IGF1R: variants seen among roughly 807,000 people sequenced by gnomAD.
The protein encoded by IGF1R is insulin like growth factor 1 receptor, also known as insulin-like growth factor 1 receptor.
A neutral mutation model predicts 144.6 loss-of-function variants in IGF1R; 44 were observed. The observed-to-expected ratio is 0.30, with a 90% CI of 0.24 to 0.39. The LOEUF (loss-of-function observed/expected upper bound fraction) is 0.39. Ranked by LOEUF, IGF1R falls within the 10% of genes least tolerant of loss-of-function variation. The probability of loss-of-function intolerance (pLI) is 1.00; values close to 1 mark genes in which losing one functional copy is unlikely to be tolerated. For missense variants in IGF1R, 1,355 were observed against 1,833.7 expected (o/e 0.74, Z 4.77); for synonymous variants, 795 against 722.8 (o/e 1.10, Z -1.60).
chr15:98,934,081 A>G (rs1159692369), intron 15 of IGF1R, among the ~76,000 whole-genome samples: 1 of 151,778 alleles, frequency 6.6e-6, no homozygotes, highest in East Asian at 1.9e-4. Context: ...CCATTTTAAC[A>G]TGGAGTCAGT....
chr15:98,752,631 G>A (rs185305241), intron 2 of IGF1R, among the ~76,000 whole-genome samples: 439 of 152,014 alleles, frequency 2.9e-3, no homozygotes, highest in Middle Eastern at 0.01. Flanking sequence ...TGCAGTGAGC[G>A]GAGATTGTGC....
intron 2 of IGF1R, among the ~76,000 whole-genome samples, chr15:98,724,457 C>G (rs963275477): frequency 1.3e-5 from 2 of 152,160 alleles, no homozygotes; most frequent in South Asian, 2.1e-4. Context: ...CTCCAGCAGC[C>G]CCAGTGAGAG....
chr15:98,764,506 C>T (rs1198770997), intron 2 of IGF1R, among the ~76,000 whole-genome samples: 1 of 152,190 alleles, frequency 6.6e-6, no homozygotes, highest in Non-Finnish European at 1.5e-5. Flanking sequence ...GATCTTTTAC[C>T]AAATAAGGGA....
At position 98,843,788 on chromosome 15, in the gene IGF1R, T is replaced by C. The variant is rs2011221380; in HGVS notation, c.641-47537T>C. Among the ~76,000 whole-genome samples, 3 of 152,318 alleles carry C rather than the reference T, an allele frequency of 2.0e-5. No homozygotes were observed. The South Asian group carries it at 6.2e-4, about 32-fold the overall frequency. The stretch of plus-strand genomic sequence containing the variant: ...TTGTTTTTTGTTTCACCATAAGTAG[T>C]AGTCTATTAAATTAACAGTTGCTAG... On this transcript the variant is annotated intron_variant, in intron 2 of 20. Transcript: ENST00000650285.
rs1229862719 is a variant in IGF1R at position 98,961,008 on chromosome 15, T to G, written c.*3566T>G. The G allele has an allele frequency of 1.3e-5, 3 of 233,578 alleles. No individual in the cohort carries two copies. The allele number at this position is 233,578 out of a possible 1,614,324, so 14.5% of individuals were successfully genotyped here. On this transcript the variant is annotated 3_prime_UTR_variant, in exon 21 of 21. Coordinates refer to ENST00000650285, the MANE Select transcript of IGF1R (RefSeq NM_000875.5). ...CAGCTGCTCTTACAGGCACTGATGATTTCGCTGGGAAGTGTGGCGGGCAGC... is the reference window on the plus strand; with the variant it reads ...CAGCTGCTCTTACAGGCACTGATGAGTTCGCTGGGAAGTGTGGCGGGCAGC...
At chr15:98,782,085 C>T (rs984732506) in intron 2 of IGF1R, among the ~76,000 whole-genome samples, 8 of 152,134 alleles carry the variant, frequency 5.3e-5, no homozygotes, top group African/African-American at 1.9e-4. Context: ...CCTTGGTCTC[C>T]TGTTTATGTT....
Position 98,961,388 on chromosome 15 carries a change from C to T in IGF1R, c.*3946C>T. On this transcript the variant is annotated 3_prime_UTR_variant, in exon 21 of 21. Coordinates refer to ENST00000650285, the MANE Select transcript of IGF1R (RefSeq NM_000875.5). ...AGTGTAGTGCCCATCATAGCAAATG[C>T]TTCAGAAACACCTCAATAAAAGAGA... is the stretch of plus-strand genomic sequence containing the variant. The T allele has an allele frequency of 4.3e-6, 1 of 233,490 alleles. No homozygotes were observed. Among genetic ancestry groups the T allele is most frequent in the East Asian group, 6.0e-5 (1 of 16,570 alleles). The allele number at this position is 233,490 out of a possible 1,614,324, so 14.5% of individuals were successfully genotyped here. A position where few individuals can be genotyped will look rare whatever the true frequency, so the allele number is the denominator to read the frequency against.
chr15:98,649,950 C>T (rs2052308410), intron 1 of IGF1R, among the ~76,000 whole-genome samples: 1 of 152,212 alleles, frequency 6.6e-6, no homozygotes, highest in South Asian at 2.1e-4. Context: ...AGCCGTGTTT[C>T]CCGGCTAGGC....
At chr15:98,843,185 A>G (rs1327915362) in intron 2 of IGF1R, among the ~76,000 whole-genome samples, 2 of 152,154 alleles carry the variant, frequency 1.3e-5, no homozygotes, top group Non-Finnish European at 2.9e-5. Flanking sequence ...CAATCCTAAC[A>G]TGCTGTTTTT....
intron 1 of IGF1R, among the ~76,000 whole-genome samples, chr15:98,668,475 G>A (rs952346208): frequency 6.6e-6 from 1 of 152,196 alleles, no homozygotes; most frequent in African/African-American, 2.4e-5. Context: ...GGATGGCGCT[G>A]AGCACATTCG....
At position 98,725,871 on chromosome 15, in the gene IGF1R, A is replaced by ATC. The variant is rs570016128; in HGVS notation, c.640+17764_640+17765insTC. 4.4e-3 allele frequency among the ~76,000 whole-genome samples: 667 copies of ATC among 152,320 alleles called. 17 individuals are homozygous for ATC. The highest frequency in any genetic ancestry group is 0.041 in the Admixed American group (624 of 15,294). ...AGAAGCAAAAGTGGAAACCCTGATAAACCCATCAGATCTCGTCAGACTTAT... is the reference window on the plus strand; with the variant it reads ...AGAAGCAAAAGTGGAAACCCTGATAATCACCCATCAGATCTCGTCAGACTTAT... On this transcript the variant is annotated intron_variant, in intron 2 of 20. Coordinates refer to ENST00000650285, the MANE Select transcript of IGF1R (RefSeq NM_000875.5).
At chr15:98,904,285 C>T (rs111541356) in intron 5 of IGF1R, among the ~76,000 whole-genome samples, 1 of 152,006 alleles carries the variant, frequency 6.6e-6, no homozygotes, top group Non-Finnish European at 1.5e-5. Context: ...ATCATCTGAC[C>T]TCGTGATCTG....
At chr15:98,651,612 C>T (rs2141160712) in intron 1 of IGF1R, among the ~76,000 whole-genome samples, 1 of 152,284 alleles carries the variant, frequency 6.6e-6, no homozygotes, top group African/African-American at 2.4e-5. Context: ...ACGCAGGAGT[C>T]GGGCATTTTA....
chr15:98,838,471 T>C (rs1020497343), intron 2 of IGF1R, among the ~76,000 whole-genome samples: 12 of 152,224 alleles, frequency 7.9e-5, no homozygotes, highest in Admixed American at 5.2e-4. Flanking sequence ...GAATGCTGTT[T>C]GCTTTCTTGA....
At chr15:98,924,350 A>C (rs1016150471) in intron 12 of IGF1R, among the ~76,000 whole-genome samples, 175 bp from the exon 13 acceptor site, 1 of 152,250 alleles carries the variant, frequency 6.6e-6, no homozygotes, top group Admixed American at 6.5e-5. Flanking sequence ...GCTTAAAGCT[A>C]CTTGAAGACG....
intron 2 of IGF1R, among the ~76,000 whole-genome samples, chr15:98,760,050 G>C (rs928325860): frequency 1.3e-5 from 2 of 151,982 alleles, no homozygotes; most frequent in African/African-American, 2.4e-5. Flanking sequence ...TTTTTAAATT[G>C]AGCATCTGAC....
At chr15:98,898,423 C>G (rs1262030933) in intron 4 of IGF1R, among the ~76,000 whole-genome samples, 1 of 152,174 alleles carries the variant, frequency 6.6e-6, no homozygotes, top group Non-Finnish European at 1.5e-5. Context: ...GATGGGACAT[C>G]TCATTAGAGG....
At chr15:98,667,392 T>TC (rs2052770825) in intron 1 of IGF1R, among the ~76,000 whole-genome samples, 1 of 152,166 alleles carries the variant, frequency 6.6e-6, no homozygotes, top group Non-Finnish European at 1.5e-5. Context: ...GGGGGAGCCC[T>TC]TGAAAGAAAG....
In IGF1R at chr15:98,947,345, C is replaced by T. The variant is rs148480344; in HGVS notation, c.3588-1229C>T. Among the ~76,000 whole-genome samples, 4 of 152,354 alleles carry T rather than the reference C, an allele frequency of 2.6e-5. No individual in the cohort carries two copies. The East Asian group carries it at 5.8e-4, about 22-fold the overall frequency. ...AAACGTTCTCATACAGTCAGGAGCA[C>T]TGTGGGCTTGGGCACAAGGTCAAGG... On this transcript the variant is annotated intron_variant, in intron 19 of 20. Transcript: ENST00000650285.
Sources: allele counts gnomAD v4.1 joint callset (sites outside exome capture counted in the v4.1 genomes callset), GRCh38; gene constraint gnomAD v4.1.1; transcripts MANE v1.5; gene names NCBI Gene and HGNC (gene_info 2026-07-23, HGNC 2026-07-21).